Variants in ST8SIA6 observed in about 807,000 individuals in gnomAD.
ST8SIA6 encodes alpha-2,8-sialyltransferase 8F.
Under a neutral mutation model 33.6 loss-of-function variants are expected in ST8SIA6, and 39 were observed. That is an observed-to-expected ratio of 1.16 (90% confidence interval 0.90 to 1.52). The LOEUF (loss-of-function observed/expected upper bound fraction) is 1.52. Ranked by LOEUF, ST8SIA6 falls within the 40% of genes most tolerant of loss-of-function variation. The probability of loss-of-function intolerance (pLI) is 0.00; values close to 1 mark genes in which losing one functional copy is unlikely to be tolerated. For synonymous variants in ST8SIA6, 172 were observed against 167.2 expected (o/e 1.03, Z -0.22); for missense variants, 441 against 443.8 (o/e 0.99, Z 0.06).
At chr10:17,382,455 AG>A (rs1850185954) in intron 3 of ST8SIA6, among the ~76,000 whole-genome samples, 1 of 152,142 alleles carries the variant, frequency 6.6e-6, no homozygotes, top group Non-Finnish European at 1.5e-5. Context: ...TAGTGGAGAC[AG>A]GGTTTCACCA....
intron 2 of ST8SIA6, among the ~76,000 whole-genome samples, chr10:17,395,530 G>A (rs917513115): frequency 6.6e-5 from 10 of 151,986 alleles, no homozygotes; most frequent in East Asian, 1.9e-4. Context: ...CTGTTTCTGT[G>A]AATTCTGAGA....
chr10:17,426,273 T>C (rs1392622409), intron 2 of ST8SIA6, among the ~76,000 whole-genome samples: 1 of 152,192 alleles, frequency 6.6e-6, no homozygotes, highest in African/African-American at 2.4e-5. Flanking sequence ...GTGTCATGTG[T>C]CTAGGTATCC....
chr10:17,380,005 A>T (rs1401032491), intron 3 of ST8SIA6, among the ~76,000 whole-genome samples: 1 of 152,142 alleles, frequency 6.6e-6, no homozygotes, highest in Non-Finnish European at 1.5e-5. Flanking sequence ...CAATTTGCTG[A>T]GGTCTGAGAG....
chr10:17,333,713 ATATATTTTTT>A (rs1848403451), intron 4 of ST8SIA6, among the ~76,000 whole-genome samples: 2 of 25,690 alleles, frequency 7.8e-5, no homozygotes, highest in Non-Finnish European at 1.2e-4. Context: ...ATATATATAT[ATATATTTTTT>A]TTTTTTTTTT....
At chr10:17,383,260 A>T (rs1030865346) in intron 3 of ST8SIA6, among the ~76,000 whole-genome samples, 12 of 152,204 alleles carry the variant, frequency 7.9e-5, no homozygotes, top group South Asian at 2.1e-4. Context: ...ATTATCAATT[A>T]TGTCTTTTTC....
intron 2 of ST8SIA6, among the ~76,000 whole-genome samples, chr10:17,430,574 A>AT (rs201069830): frequency 0.013 from 1,994 of 151,860 alleles, 15 homozygotes; most frequent in Non-Finnish European, 0.021. Context: ...AATAATGTCC[A>AT]TTTTTTTTGC....
chr10:17,418,945 A>G (rs563708290), intron 2 of ST8SIA6, among the ~76,000 whole-genome samples: 1 of 134,018 alleles, frequency 7.5e-6, no homozygotes, highest in South Asian at 2.4e-4. Context: ...GTGAGCGGAG[A>G]TCGTGCCACT....
intron 7 of ST8SIA6, 110 bp downstream of exon 7, chr10:17,322,955 C>G: frequency 1.1e-6 from 1 of 942,176 alleles, no homozygotes; most frequent in Non-Finnish European, 1.6e-6. Context: ...AAAACTCATT[C>G]CACCTGTACT....
chr10:17,419,157 G>C (rs1851701243), intron 2 of ST8SIA6, among the ~76,000 whole-genome samples: 1 of 151,884 alleles, frequency 6.6e-6, no homozygotes, highest in South Asian at 2.1e-4. Flanking sequence ...ATCACCAGTA[G>C]TAAGTATCGA....
chr10:17,436,395 A>G (rs1159214610), intron 2 of ST8SIA6, among the ~76,000 whole-genome samples: 1 of 151,870 alleles, frequency 6.6e-6, no homozygotes, highest in Non-Finnish European at 1.5e-5. Context: ...TTTATACTGT[A>G]AGTTTTAGGG....
intron 3 of ST8SIA6, among the ~76,000 whole-genome samples, chr10:17,374,764 T>TATATATATATATATATATACACACAC (rs1441288579): frequency 1.6e-5 from 2 of 126,856 alleles, no homozygotes; most frequent in African/African-American, 3.0e-5. Context: ...TATATATATA[T>TATATATATATATATATATACACACAC]ATATTTAGCT....
intron 3 of ST8SIA6, among the ~76,000 whole-genome samples, chr10:17,374,879 A>T (rs1849859155): frequency 6.6e-6 from 1 of 151,604 alleles, no homozygotes; most frequent in South Asian, 2.1e-4. Flanking sequence ...GTTGGTATGA[A>T]TGGCTGTTTT....
intron 2 of ST8SIA6, among the ~76,000 whole-genome samples, chr10:17,449,870 CAA>C (rs762267312): frequency 2.0e-5 from 3 of 152,116 alleles, no homozygotes; most frequent in Non-Finnish European, 2.9e-5. Flanking sequence ...AAGCTAGTGA[CAA>C]GAGTAATAAC....
At chr10:17,414,483 A>C (rs1851544840) in intron 2 of ST8SIA6, among the ~76,000 whole-genome samples, 1 of 152,204 alleles carries the variant, frequency 6.6e-6, no homozygotes, top group South Asian at 2.1e-4. Flanking sequence ...AAAATCTCTA[A>C]GTTTCTGTGC....
chr10:17,334,652 A>G (rs1848449577), intron 4 of ST8SIA6, among the ~76,000 whole-genome samples: 1 of 152,040 alleles, frequency 6.6e-6, no homozygotes, highest in African/African-American at 2.4e-5. Flanking sequence ...GACAAGTCCA[A>G]TGAAAAAAAG....
At chr10:17,361,712 G>GAA (rs34189796) in intron 3 of ST8SIA6, among the ~76,000 whole-genome samples, 8,054 of 123,470 alleles carry the variant, frequency 0.065, 306 homozygotes, top group East Asian at 0.2. Flanking sequence ...AAGACATTGG[G>GAA]AAAAAAAAAA....
intron 5 of ST8SIA6, among the ~76,000 whole-genome samples, chr10:17,330,555 T>A (rs559774274): frequency 7.9e-5 from 12 of 152,156 alleles, no homozygotes; most frequent in Non-Finnish European, 1.5e-5. Context: ...ATAAAAAAAA[T>A]TGGAACAATT....
At chr10:17,389,474 ATCC>A (rs1850504348) in intron 3 of ST8SIA6, among the ~76,000 whole-genome samples, 2 of 152,210 alleles carry the variant, frequency 1.3e-5, no homozygotes, top group Non-Finnish European at 1.5e-5. Flanking sequence ...ACACACACAC[ATCC>A]TTTGTCCAGC....
chr10:17,439,651 T>C (rs1852401600), intron 2 of ST8SIA6, among the ~76,000 whole-genome samples: 1 of 152,196 alleles, frequency 6.6e-6, no homozygotes, highest in South Asian at 2.1e-4. Context: ...CATGAATGTC[T>C]GATTTGGTGC....
Sources: allele counts gnomAD v4.1 joint callset (sites outside exome capture counted in the v4.1 genomes callset), GRCh38; gene constraint gnomAD v4.1.1; transcripts MANE v1.5; gene names NCBI Gene and HGNC (gene_info 2026-07-23, HGNC 2026-07-21).